Variants in LANCL3 observed in about 807,000 individuals in gnomAD.
LANCL3 encodes lanC-like protein 3.
A neutral mutation model predicts 26.5 loss-of-function variants in LANCL3; 19 were observed. The observed-to-expected ratio is 0.72, with a 90% CI of 0.50 to 1.05. The LOEUF is 1.05. LANCL3 is among the 50% of genes least tolerant of loss of function. The probability of loss-of-function intolerance (pLI) is 0.00; values close to 1 mark genes in which losing one functional copy is unlikely to be tolerated. For synonymous variants in LANCL3, 160 were observed against 166.6 expected (o/e 0.96, Z 0.30); for missense variants, 318 against 362.7 (o/e 0.88, Z 1.00).
intron 1 of LANCL3, among the ~76,000 whole-genome samples, chrX:37,640,159 T>C (rs1317421027): frequency 8.9e-6 from 1 of 112,451 alleles, no homozygotes; most frequent in Non-Finnish European, 1.9e-5. Flanking sequence ...TAGTATGTTA[T>C]ATTAGGCTGT....
chrX:37,652,368 A>G (rs1926171509), intron 1 of LANCL3, among the ~76,000 whole-genome samples: 1 of 110,995 alleles, frequency 9.0e-6, no homozygotes, highest in African/African-American at 3.3e-5. Context: ...AGGCAGGGCC[A>G]AGAAATATAG....
intron 1 of LANCL3, among the ~76,000 whole-genome samples, chrX:37,630,719 T>C: frequency 9.0e-6 from 1 of 111,082 alleles, no homozygotes; most frequent in East Asian, 2.8e-4. Context: ...CATGCGGTTT[T>C]TGTCTTTGGT....
chrX:37,591,257 TC>T (rs1330349180), intron 1 of LANCL3, among the ~76,000 whole-genome samples: 1 of 111,926 alleles, frequency 8.9e-6, no homozygotes, highest in Non-Finnish European at 1.9e-5. Flanking sequence ...TGCATGTTTT[TC>T]TACTAAAGCA....
At chrX:37,581,094 G>A (rs1348706521) in intron 1 of LANCL3, among the ~76,000 whole-genome samples, 3 of 111,160 alleles carry the variant, frequency 2.7e-5, no homozygotes, top group African/African-American at 9.8e-5. Context: ...AGGTGATGCC[G>A]CTCTTGCTGG....
intron 4 of LANCL3, among the ~76,000 whole-genome samples, chrX:37,673,821 A>T (rs2146796070): frequency 8.9e-6 from 1 of 111,740 alleles, no homozygotes; most frequent in East Asian, 2.8e-4. Context: ...AAATGAGTGC[A>T]TGGGGGAAAG....
intron 1 of LANCL3, among the ~76,000 whole-genome samples, chrX:37,573,457 A>G (rs1923658280): frequency 1.8e-5 from 2 of 112,004 alleles, no homozygotes; most frequent in Non-Finnish European, 3.8e-5. Context: ...AACTTAGATC[A>G]CCTCTACAGA....
chrX:37,669,318 G>A (rs1926624057), intron 4 of LANCL3, among the ~76,000 whole-genome samples: 1 of 111,255 alleles, frequency 9.0e-6, no homozygotes, highest in African/African-American at 3.3e-5. Context: ...GAGTAGCTAG[G>A]GCTACAGGTT....
chrX:37,610,382 C>T, intron 1 of LANCL3, among the ~76,000 whole-genome samples: 1 of 112,003 alleles, frequency 8.9e-6, no homozygotes, highest in Admixed American at 9.4e-5. Flanking sequence ...GCCATTGAGG[C>T]TCAATGGGAA....
chrX:37,586,857 G>C (rs1461034927), intron 1 of LANCL3, among the ~76,000 whole-genome samples: 1 of 99,430 alleles, frequency 1.0e-5, no homozygotes, highest in Non-Finnish European at 1.9e-5. Flanking sequence ...CATTCCTTTG[G>C]AGGAGGAGAG....
chrX:37,616,232 C>CATAT (rs200393717), intron 1 of LANCL3, among the ~76,000 whole-genome samples: 1 of 111,680 alleles, frequency 9.0e-6, no homozygotes, highest in African/African-American at 3.3e-5. Flanking sequence ...CCAGATAATG[C>CATAT]ATATATATAT....
intron 2 of LANCL3, among the ~76,000 whole-genome samples, chrX:37,659,156 T>C (rs1926356851): frequency 1.8e-5 from 2 of 112,626 alleles, no homozygotes; most frequent in African/African-American, 6.5e-5. Flanking sequence ...TTCTGGGCCG[T>C]ATGGCCTCTG....
chrX:37,665,320 C>T (rs1486078232), intron 3 of LANCL3, among the ~76,000 whole-genome samples: 1 of 111,775 alleles, frequency 8.9e-6, no homozygotes, highest in Non-Finnish European at 1.9e-5. Flanking sequence ...CCCCACTAGC[C>T]TTCATGTGGC....
chrX:37,636,282 C>T (rs1409601906), intron 1 of LANCL3, among the ~76,000 whole-genome samples: 1 of 111,821 alleles, frequency 8.9e-6, no homozygotes, highest in African/African-American at 3.3e-5. Flanking sequence ...CATACATGTG[C>T]ATGTGTCTTT....
chrX:37,663,700 A>AAAGCAATCATCTAAG (rs1235576492), intron 3 of LANCL3, among the ~76,000 whole-genome samples: 2 of 111,398 alleles, frequency 1.8e-5, no homozygotes, highest in Non-Finnish European at 3.8e-5. Context: ...ACAGGAGGCT[A>AAAGCAATCATCTAAG]AAGCAATCAT....
chrX:37,648,574 C>T (rs1324999516), intron 1 of LANCL3, among the ~76,000 whole-genome samples: 3 of 111,887 alleles, frequency 2.7e-5, no homozygotes, highest in Non-Finnish European at 5.6e-5. Context: ...GACGAAAACG[C>T]CAAAAGCAAT....
intron 1 of LANCL3, among the ~76,000 whole-genome samples, chrX:37,638,300 C>T (rs1556425540): frequency 9.0e-6 from 1 of 111,278 alleles, no homozygotes; most frequent in Non-Finnish European, 1.9e-5. Flanking sequence ...CAAGGTTGTG[C>T]CCTGTATAAA....
chrX:37,637,714 C>A (rs1221768979), intron 1 of LANCL3, among the ~76,000 whole-genome samples: 2 of 112,165 alleles, frequency 1.8e-5, no homozygotes, highest in Non-Finnish European at 3.8e-5. Context: ...GATTAAGCCA[C>A]TAGAAGTGAG....
chrX:37,575,825 A>G (rs1265154473), intron 1 of LANCL3, among the ~76,000 whole-genome samples: 23 of 112,098 alleles, frequency 2.1e-4, no homozygotes, highest in Admixed American at 7.6e-4. Context: ...ACGCCATTCT[A>G]TGAAGCTTGA....
intron 1 of LANCL3, among the ~76,000 whole-genome samples, chrX:37,599,783 T>TGG (rs1924533944): frequency 8.9e-6 from 1 of 111,873 alleles, no homozygotes; most frequent in Non-Finnish European, 1.9e-5. Flanking sequence ...AAACATGAAT[T>TGG]TTATTTTTCA....
Sources: gnomAD v4.1 joint callset for allele counts (sites outside exome capture counted in the v4.1 genomes callset) on GRCh38, gnomAD v4.1.1 for gene constraint, MANE v1.5 for transcripts, NCBI Gene and HGNC (gene_info 2026-07-23, HGNC 2026-07-21) for gene names.